The following ARHGAP42 variants were observed in gnomAD, a reference collection of about 807,000 sequenced individuals.
ARHGAP42 encodes Rho GTPase activating protein 42, also known as rho GTPase-activating protein 42.
ARHGAP42 carries 63 observed loss-of-function variants against 125.0 expected under a neutral mutation model. The ratio of observed to expected loss-of-function variants is 0.50; its 90% CI spans 0.41 to 0.62. The LOEUF (loss-of-function observed/expected upper bound fraction) is 0.62. Among genes scored for constraint, ARHGAP42 ranks in the 20% least tolerant of loss-of-function variants. The probability of loss-of-function intolerance (pLI) is 0.00; values close to 1 mark genes in which losing one functional copy is unlikely to be tolerated. For missense variants in ARHGAP42, 766 were observed against 1,024.2 expected (o/e 0.75, Z 3.44); for synonymous variants, 339 against 351.0 (o/e 0.97, Z 0.38).
Position 100,729,849 on chromosome 11 carries a change from T to C in ARHGAP42, c.155-40494T>C, listed in dbSNP as rs11224416. On this transcript the variant is annotated intron_variant, in intron 1 of 23. Transcript: ENST00000298815. The stretch of plus-strand genomic sequence containing the variant: ...TTTTTGAGACAGAGTTTTGCTCTTG[T>C]TGCCAGGTTGGAGTGCAATGGTGTG... Among the ~76,000 whole-genome samples the C allele has an allele frequency of 1.4e-3, 209 of 151,560 alleles. 1 individual carries two copies. The highest frequency in any genetic ancestry group is 4.9e-3 in the African/African-American group (204 of 41,318).
chr11:100,701,029 G>T (rs1474475737), intron 1 of ARHGAP42, among the ~76,000 whole-genome samples: 1 of 152,160 alleles, frequency 6.6e-6, no homozygotes, highest in Non-Finnish European at 1.5e-5. Flanking sequence ...ATGGGCTACA[G>T]AATGGATGTT....
chr11:100,941,161 C>T (rs1183404467), intron 8 of ARHGAP42, among the ~76,000 whole-genome samples: 1 of 152,072 alleles, frequency 6.6e-6, no homozygotes, highest in East Asian at 1.9e-4. Context: ...TACAAATGCC[C>T]TTGGGTAGGA....
intron 1 of ARHGAP42, among the ~76,000 whole-genome samples, chr11:100,721,928 G>C (rs11224410): frequency 0.14 from 20,673 of 152,166 alleles, 1,496 homozygotes; most frequent in East Asian, 0.26. Flanking sequence ...ATTTTGTTTG[G>C]ACATAATGTT....
rs1283240708 is a variant in ARHGAP42 at position 100,991,598 on chromosome 11, ACT to A, written c.*2802_*2803del. The A allele has an allele frequency of 1.3e-5, 2 of 152,056 alleles. No individual in the cohort carries two copies. The highest frequency in any genetic ancestry group is 4.8e-5 in the African/African-American group (2 of 41,376). The allele number at this position is 152,056 out of a possible 1,614,324, so 9.4% of individuals were successfully genotyped here. On this transcript the variant is annotated 3_prime_UTR_variant, in exon 24 of 24. Transcript: ENST00000298815. ...AAAACATTTGTGTGTTTCACAGATG[ACT>A]CTCTTGTTTTGCCGTAATGCTACCA...
intron 22 of ARHGAP42, among the ~76,000 whole-genome samples, chr11:100,983,273 T>C (rs1207064760): frequency 6.6e-6 from 1 of 152,234 alleles, no homozygotes; most frequent in Non-Finnish European, 1.5e-5. Context: ...CTATTACATA[T>C]TAGCACAAAT....
At chr11:100,957,919 A>G (rs530225135) in intron 12 of ARHGAP42, among the ~76,000 whole-genome samples, 15 of 152,158 alleles carry the variant, frequency 9.9e-5, no homozygotes, top group Non-Finnish European at 1.9e-4. Flanking sequence ...TTATGTCACT[A>G]CTATCTTCAT....
chr11:100,875,107 C>CTCTGTGTGTG (rs1384655603), intron 4 of ARHGAP42, among the ~76,000 whole-genome samples: 14 of 82,350 alleles, frequency 1.7e-4, no homozygotes, highest in East Asian at 3.3e-4. Flanking sequence ...CTCTCTCTCT[C>CTCTGTGTGTG]TGTGTGTGTG....
At chr11:100,954,252 C>G (rs1187378067) in intron 12 of ARHGAP42, among the ~76,000 whole-genome samples, 2 of 152,130 alleles carry the variant, frequency 1.3e-5, no homozygotes, top group East Asian at 3.9e-4. Context: ...ATCTCATTCT[C>G]TCATGCAGTC....
At chr11:100,916,062 G>A (rs1295653926) in intron 5 of ARHGAP42, among the ~76,000 whole-genome samples, 1 of 152,096 alleles carries the variant, frequency 6.6e-6, no homozygotes, top group African/African-American at 2.4e-5. Flanking sequence ...TATTCATTTT[G>A]TTCATGAAAA....
intron 11 of ARHGAP42, 43 bp downstream of exon 11, chr11:100,948,578 A>G: frequency 7.5e-7 from 1 of 1,339,082 alleles, no homozygotes; most frequent in South Asian, 1.3e-5. Flanking sequence ...TTATTGTCCT[A>G]ATAATTATAA....
intron 3 of ARHGAP42, among the ~76,000 whole-genome samples, chr11:100,858,475 A>G (rs991797139): frequency 1.3e-5 from 2 of 152,004 alleles, no homozygotes; most frequent in South Asian, 2.1e-4. Flanking sequence ...TTATTTTTGT[A>G]TATTATCTGT....
intron 3 of ARHGAP42, among the ~76,000 whole-genome samples, chr11:100,796,165 G>A (rs1213150464): frequency 1.3e-5 from 2 of 152,038 alleles, no homozygotes; most frequent in Non-Finnish European, 2.9e-5. Context: ...TCACGTTTTG[G>A]TAATTCTCTC....
chr11:100,956,956 T>C (rs508850), intron 12 of ARHGAP42, among the ~76,000 whole-genome samples: 133,831 of 151,782 alleles, frequency 0.88, 59,091 homozygotes, highest in East Asian at 1. Context: ...GCCTTATTCA[T>C]GAAATTTACA....
chr11:100,747,178 T>C (rs114504564), intron 1 of ARHGAP42, among the ~76,000 whole-genome samples: 4 of 152,290 alleles, frequency 2.6e-5, no homozygotes, highest in Non-Finnish European at 5.9e-5. Flanking sequence ...TTCTAAGAAA[T>C]TGATCCTTTG....
At chr11:100,921,686 AT>A in intron 6 of ARHGAP42, 82 bp downstream of exon 6, 1 of 848,052 alleles carries the variant, frequency 1.2e-6, no homozygotes, top group Non-Finnish European at 1.8e-6. Context: ...ATAATATATA[AT>A]TTTTCTTGAA....
intron 1 of ARHGAP42, among the ~76,000 whole-genome samples, chr11:100,748,920 C>T (rs932124250): frequency 6.6e-6 from 1 of 152,170 alleles, no homozygotes; most frequent in Non-Finnish European, 1.5e-5. Context: ...TGCTCTCTCT[C>T]TCTTTCTCTC....
intron 5 of ARHGAP42, among the ~76,000 whole-genome samples, chr11:100,918,653 T>C (rs1397593810): frequency 6.6e-6 from 1 of 152,206 alleles, no homozygotes; most frequent in African/African-American, 2.4e-5. Context: ...GAGATCTATT[T>C]TAACTAAAAG....
chr11:100,932,573 G>T (rs12273212), intron 6 of ARHGAP42, among the ~76,000 whole-genome samples: 14,563 of 152,130 alleles, frequency 0.096, 961 homozygotes, highest in Non-Finnish European at 0.13. Flanking sequence ...CACTTTCTCT[G>T]AAATGAAAAA....
intron 8 of ARHGAP42, among the ~76,000 whole-genome samples, chr11:100,941,323 C>T (rs1463710864): frequency 2.0e-5 from 3 of 152,034 alleles, no homozygotes; most frequent in African/African-American, 4.8e-5. Context: ...TGATTTTTAT[C>T]GGGGGTAAGA....
Sources: allele counts gnomAD v4.1 joint callset (sites outside exome capture counted in the v4.1 genomes callset), GRCh38; gene constraint gnomAD v4.1.1; transcripts MANE v1.5; gene names NCBI Gene and HGNC (gene_info 2026-07-23, HGNC 2026-07-21).